STAB2: variants seen among roughly 807,000 people sequenced by gnomAD.
STAB2 encodes stabilin-2.
In STAB2, 288 loss-of-function variants were observed where a neutral mutation model predicts 338.1. The ratio of observed to expected loss-of-function variants is 0.85; its 90% CI spans 0.77 to 0.94. STAB2 has a LOEUF of 0.94. Among genes scored for constraint, STAB2 ranks in the 40% least tolerant of loss-of-function variants. The pLI is 0.00. For missense variants in STAB2, 3,141 were observed against 3,210.1 expected (o/e 0.98, Z 0.52); for synonymous variants, 1,202 against 1,193.3 (o/e 1.01, Z -0.15).
At chr12:103,671,118 T>C (rs1005555891) in intron 22 of STAB2, among the ~76,000 whole-genome samples, 2 of 152,164 alleles carry the variant, frequency 1.3e-5, no homozygotes, top group African/African-American at 4.8e-5. Context: ...TCTCCAAAAG[T>C]TTCTCCACAT....
At chr12:103,634,434 G>A (rs1171695708) in intron 6 of STAB2, among the ~76,000 whole-genome samples, 1 of 152,220 alleles carries the variant, frequency 6.6e-6, no homozygotes, top group African/African-American at 2.4e-5. Context: ...TGACTGAAAT[G>A]AGGGTGCCAG....
intron 55 of STAB2, among the ~76,000 whole-genome samples, chr12:103,741,594 C>T (rs1050192936): frequency 8.5e-5 from 13 of 152,186 alleles, no homozygotes; most frequent in African/African-American, 2.9e-4. Context: ...GCTGGGACTA[C>T]AGGCACATGC....
At chr12:103,749,304 G>A (rs7138637) in intron 59 of STAB2, 148 bp downstream of exon 59, 97,785 of 919,980 alleles carry the variant, frequency 0.11, 6,266 homozygotes, top group East Asian at 0.26. Flanking sequence ...AAGTCATTGG[G>A]CTAAATGCAA....
chr12:103,635,781 C>A (rs560512918), intron 6 of STAB2, among the ~76,000 whole-genome samples: 2 of 152,238 alleles, frequency 1.3e-5, no homozygotes, highest in Non-Finnish European at 2.9e-5. Context: ...GCAGCGCCCA[C>A]TGGCTAACAG....
At position 103,746,631 on chromosome 12, in the gene STAB2, T is replaced by A. The variant is rs1289551525; in HGVS notation, c.6171T>A (p.Ala2057=). ...CAGTGTGTACGCCTCCTTGTTCTGC[T>A]CATGCCACCTGTAAGGAGAACAACA... ...LPAVCTPPCS[A]HATCKENNTC... Residue 2057 remains alanine, a synonymous_variant, in exon 58 of 69, where the codon GCT becomes GCA. Coordinates refer to ENST00000388887, the MANE Select transcript of STAB2 (RefSeq NM_017564.10). 1 of 1,614,044 alleles carries A rather than the reference T, an allele frequency of 6.2e-7. No homozygotes were observed. Among genetic ancestry groups the A allele is most frequent in the Non-Finnish European group, 8.5e-7 (1 of 1,179,980 alleles).
Position 103,676,054 on chromosome 12 carries a change from GTTTC to G in STAB2, c.2646+37_2646+40del, listed in dbSNP as rs1555236150. The stretch of plus-strand genomic sequence containing the variant: ...CTGGTCTTCATTTCCACCCTGCCTG[GTTTC>G]TTTTTTTTTTTTTTTTTTTTTGAGA... On this transcript the variant is annotated intron_variant, in intron 24 of 68. Transcript: ENST00000388887. 181 of 1,037,736 alleles carry G rather than the reference GTTTC, an allele frequency of 1.7e-4. No homozygotes were observed. The African/African-American group carries it at 2.5e-3, about 14-fold the overall frequency. 64.3% of individuals were successfully genotyped at this position (1,037,736 alleles called of 1,614,324 possible). A position where few individuals can be genotyped will look rare whatever the true frequency, so the allele number is the denominator to read the frequency against.
intron 18 of STAB2, among the ~76,000 whole-genome samples, chr12:103,665,661 A>G (rs1193819512): frequency 6.6e-6 from 1 of 152,096 alleles, no homozygotes; most frequent in East Asian, 1.9e-4. Flanking sequence ...AAATCCTGCT[A>G]GTGACTGGAC....
chr12:103,655,474 G>C lies in STAB2; in HGVS notation c.1627G>C (p.Ala543Pro). Residue 543 changes from alanine to proline, a missense_variant, in exon 15 of 69, where the codon GCC (alanine) becomes CCC (proline). Ala to Pro is a conservative substitution (Grantham distance 27, BLOSUM62 -1). Coordinates refer to ENST00000388887, the MANE Select transcript of STAB2 (RefSeq NM_017564.10). The stretch of plus-strand genomic sequence containing the variant: ...AATGCAGGAAACCAATTTGGGACAT[G>C]CCTTAGATGAGGATGGAGTTGGTGG... ...SLLEETNLGH[A>P]LDEDGVGGPY... 1 of 1,614,066 alleles carries C rather than the reference G, an allele frequency of 6.2e-7. No individual in the cohort carries two copies. The highest frequency in any genetic ancestry group is 8.5e-7 in the Non-Finnish European group (1 of 1,180,022).
chr12:103,748,097 TG>T (rs1158217884), intron 58 of STAB2, among the ~76,000 whole-genome samples: 4 of 152,154 alleles, frequency 2.6e-5, no homozygotes, highest in Non-Finnish European at 4.4e-5. Flanking sequence ...ATATTTTTCA[TG>T]GATAAATATT....
chr12:103,690,007 C>T (rs780249868), intron 29 of STAB2, 25 bp downstream of exon 29: 2 of 1,606,960 alleles, frequency 1.2e-6, no homozygotes, highest in Admixed American at 1.7e-5. Flanking sequence ...TTTTATTTTA[C>T]ATCGTATCTG....
Position 103,712,151 on chromosome 12 carries a change from T to C in STAB2, c.4335-216T>C, listed in dbSNP as rs545605184. On this transcript the variant is annotated intron_variant, in intron 40 of 68. Coordinates refer to ENST00000388887, the MANE Select transcript of STAB2 (RefSeq NM_017564.10). ...TTATTCCTGAACTGACACCTATATC[T>C]ATGCACGCTGTAGTTTGCCTGATAA... is the stretch of plus-strand genomic sequence containing the variant. Among the ~76,000 whole-genome samples the C allele has an allele frequency of 4.6e-5, 7 of 152,338 alleles. No individual in the cohort carries two copies. The South Asian group carries it at 1.2e-3, about 27-fold the overall frequency.
At chr12:103,593,602 G>A (rs577557706) in intron 2 of STAB2, among the ~76,000 whole-genome samples, 6 of 152,286 alleles carry the variant, frequency 3.9e-5, no homozygotes, top group African/African-American at 7.2e-5. Flanking sequence ...TTGACTGTTC[G>A]TAAAGTATGT....
At chr12:103,664,782 T>C (rs1429351049) in intron 18 of STAB2, among the ~76,000 whole-genome samples, 3 of 152,210 alleles carry the variant, frequency 2.0e-5, no homozygotes, top group Non-Finnish European at 4.4e-5. Context: ...TCTGATATGA[T>C]TTAGGCCACA....
At chr12:103,762,182 A>C in intron 66 of STAB2, 92 bp from the exon 67 acceptor site, 1 of 1,547,314 alleles carries the variant, frequency 6.5e-7, no homozygotes, top group Non-Finnish European at 8.8e-7. Flanking sequence ...TTTTATCCCC[A>C]CTGGCTCCAG....
In STAB2 at chr12:103,673,938, C is replaced by T. The variant is rs1876079801; in HGVS notation, c.2403C>T (p.Asn801=). ...KCLCVHGTCN[N]RIDSDGACLT... ...TGTGCGTTCACGGAACATGCAATAA[C>T]AGGATAGACAGCGATGGGGCCTGCC... is the stretch of plus-strand genomic sequence containing the variant. Residue 801 remains asparagine, a synonymous_variant, in exon 23 of 69, where the codon AAC becomes AAT. Coordinates refer to ENST00000388887, the MANE Select transcript of STAB2 (RefSeq NM_017564.10). 2 of 1,613,872 alleles carry T rather than the reference C, an allele frequency of 1.2e-6. No homozygotes were observed. Among genetic ancestry groups the T allele is most frequent in the Non-Finnish European group, 8.5e-7 (1 of 1,179,846 alleles).
rs752788831 is a variant in STAB2 at position 103,715,924 on chromosome 12, A to G, written c.4611+36A>G. The stretch of plus-strand genomic sequence containing the variant: ...CCTCTCCCAGGCCCTTAGGTTTCCT[A>G]AAAGGGAACTCCTAGGTCTTTAGAC... On this transcript the variant is annotated intron_variant, in intron 43 of 68. Coordinates refer to ENST00000388887, the MANE Select transcript of STAB2 (RefSeq NM_017564.10). 13 of 1,609,880 alleles carry G rather than the reference A, an allele frequency of 8.1e-6. No individual in the cohort carries two copies. In the South Asian group the frequency reaches 1.2e-4, roughly 15 times the overall value.
intron 34 of STAB2, among the ~76,000 whole-genome samples, chr12:103,699,532 C>T (rs1878686772): frequency 6.6e-6 from 1 of 152,294 alleles, no homozygotes; most frequent in South Asian, 2.1e-4. Flanking sequence ...ACCATCAGAT[C>T]TCATGAGACT....
intron 1 of STAB2, 139 bp from the exon 2 acceptor site, chr12:103,590,758 T>C: frequency 1.0e-6 from 1 of 989,160 alleles, no homozygotes; most frequent in Non-Finnish European, 1.5e-6. Context: ...AACCAGTCAT[T>C]ACCAATCAAC....
At chr12:103,677,326 G>A in intron 24 of STAB2, 127 bp from the exon 25 acceptor site, 1 of 1,291,006 alleles carries the variant, frequency 7.7e-7, no homozygotes. Flanking sequence ...TGTAAATTAA[G>A]CATTTCCACC....
Sources: allele counts gnomAD v4.1 joint callset (sites outside exome capture counted in the v4.1 genomes callset), GRCh38; gene constraint gnomAD v4.1.1; transcripts MANE v1.5; gene names NCBI Gene and HGNC (gene_info 2026-07-23, HGNC 2026-07-21).